The following PDE7B variants were observed in gnomAD, a reference collection of about 807,000 sequenced individuals.
PDE7B encodes the protein 3',5'-cyclic-AMP phosphodiesterase 7B.
A neutral mutation model predicts 56.2 loss-of-function variants in PDE7B; 29 were observed. The observed-to-expected ratio is 0.52, with a 90% CI of 0.38 to 0.70. PDE7B has a LOEUF of 0.70. PDE7B is among the 30% of genes least tolerant of loss of function. The pLI is 0.00. For synonymous variants in PDE7B, 197 were observed against 196.9 expected (o/e 1.00, Z 0.00); for missense variants, 490 against 565.0 (o/e 0.87, Z 1.35).
At chr6:136,110,746 T>C (rs1284841732) in intron 3 of PDE7B, among the ~76,000 whole-genome samples, 1 of 151,832 alleles carries the variant, frequency 6.6e-6, no homozygotes, top group Non-Finnish European at 1.5e-5. Context: ...AATTTGCCTC[T>C]TTTACTTTTG....
intron 1 of PDE7B, among the ~76,000 whole-genome samples, chr6:135,868,690 C>A (rs895818789): frequency 2.0e-5 from 3 of 152,188 alleles, no homozygotes; most frequent in African/African-American, 7.2e-5. Flanking sequence ...CCTGGGCCTC[C>A]CAAAAGTACT....
chr6:136,148,266 G>C (rs1778449477), intron 4 of PDE7B, among the ~76,000 whole-genome samples: 1 of 151,824 alleles, frequency 6.6e-6, no homozygotes, highest in South Asian at 2.1e-4. Flanking sequence ...TGAGGCAGCA[G>C]GATTGCTTAA....
intron 1 of PDE7B, among the ~76,000 whole-genome samples, chr6:135,936,704 G>A (rs150702878): frequency 3.9e-4 from 60 of 152,310 alleles, no homozygotes; most frequent in African/African-American, 1.4e-3. Flanking sequence ...AGAGGGAGAT[G>A]TCCCTAAAAG....
In PDE7B at chr6:136,143,457, T is replaced by A. The variant is rs371157606; in HGVS notation, c.167-3894T>A. Among the ~76,000 whole-genome samples the A allele has an allele frequency of 7.9e-5, 12 of 152,072 alleles. 2 individuals are homozygous for A. The East Asian group carries it at 1.5e-3, about 20-fold the overall frequency. On this transcript the variant is annotated intron_variant, in intron 3 of 12. Transcript: ENST00000308191. ...AGGGGAATACCAAATAACTTGGTGATCACAGTGTATCATATCTTAATGTAA... is the reference window on the plus strand; with the variant it reads ...AGGGGAATACCAAATAACTTGGTGAACACAGTGTATCATATCTTAATGTAA...
intron 3 of PDE7B, among the ~76,000 whole-genome samples, chr6:136,135,127 A>G (rs1778190527): frequency 6.6e-6 from 1 of 152,096 alleles, no homozygotes; most frequent in African/African-American, 2.4e-5. Flanking sequence ...TTTTTTGTAC[A>G]CAGAAGAGCT....
At chr6:135,912,649 G>A (rs1379063746) in intron 1 of PDE7B, among the ~76,000 whole-genome samples, 1 of 152,034 alleles carries the variant, frequency 6.6e-6, no homozygotes, top group Non-Finnish European at 1.5e-5. Flanking sequence ...GGACATTCCA[G>A]AAAAGGAAAA....
chr6:135,957,636 C>A (rs979919238), intron 2 of PDE7B, among the ~76,000 whole-genome samples: 4 of 152,068 alleles, frequency 2.6e-5, no homozygotes, highest in African/African-American at 9.7e-5. Flanking sequence ...CTGCACATTC[C>A]GGGTAATAGG....
chr6:136,073,850 C>T (rs1385273374), intron 2 of PDE7B, among the ~76,000 whole-genome samples: 1 of 152,064 alleles, frequency 6.6e-6, no homozygotes, highest in Admixed American at 6.5e-5. Context: ...AGAATTTCAG[C>T]GTGATTTCTA....
At chr6:136,143,278 T>C (rs1430090871) in intron 3 of PDE7B, among the ~76,000 whole-genome samples, 2 of 151,956 alleles carry the variant, frequency 1.3e-5, no homozygotes, top group African/African-American at 2.4e-5. Flanking sequence ...CCAGTATTTA[T>C]GGTAGGCCTA....
chr6:135,976,445 G>C (rs1775189319), intron 2 of PDE7B, among the ~76,000 whole-genome samples: 1 of 152,126 alleles, frequency 6.6e-6, no homozygotes, highest in Non-Finnish European at 1.5e-5. Context: ...CCTGGGGAAG[G>C]GCTGCAGTGA....
intron 1 of PDE7B, among the ~76,000 whole-genome samples, chr6:135,939,424 A>T (rs1774472416): frequency 6.6e-6 from 1 of 152,224 alleles, no homozygotes; most frequent in African/African-American, 2.4e-5. Flanking sequence ...AAAACTTATT[A>T]GTCTCTGACG....
chr6:135,963,761 T>C (rs1215556865), intron 2 of PDE7B, among the ~76,000 whole-genome samples: 1 of 152,194 alleles, frequency 6.6e-6, no homozygotes, highest in African/African-American at 2.4e-5. Flanking sequence ...CTTAGAACAC[T>C]TCCCTCCTCG....
intron 2 of PDE7B, among the ~76,000 whole-genome samples, chr6:136,065,942 T>C (rs1174881671): frequency 6.6e-6 from 1 of 152,180 alleles, no homozygotes; most frequent in African/African-American, 2.4e-5. Flanking sequence ...ATCTTCAGAG[T>C]TCTAACTGGT....
intron 2 of PDE7B, among the ~76,000 whole-genome samples, chr6:136,061,713 G>A (rs915864097): frequency 6.6e-6 from 1 of 152,140 alleles, no homozygotes; most frequent in African/African-American, 2.4e-5. Context: ...ATCAATGCTG[G>A]GCATAGTACC....
rs1019665156 is a variant in PDE7B at position 136,016,132 on chromosome 6, C to T, written c.82+68608C>T. On this transcript the variant is annotated intron_variant, in intron 2 of 12. Coordinates refer to ENST00000308191, the MANE Select transcript of PDE7B (RefSeq NM_018945.4). ...TGCTAAATTTGTTCTATTCATCTCA[C>T]GGCTCCCTCTAATACGTAGGAAAGT... Among the ~76,000 whole-genome samples, 7 of 152,152 alleles carry T rather than the reference C, an allele frequency of 4.6e-5. No homozygotes were observed. The East Asian group carries it at 7.7e-4, about 17-fold the overall frequency.
intron 3 of PDE7B, among the ~76,000 whole-genome samples, chr6:136,134,048 T>A (rs1778166949): frequency 6.6e-6 from 1 of 152,054 alleles, no homozygotes; most frequent in Non-Finnish European, 1.5e-5. Context: ...GGAGACATTG[T>A]GGGGGCCATT....
chr6:135,902,520 T>C (rs1378605027), intron 1 of PDE7B, among the ~76,000 whole-genome samples: 1 of 152,178 alleles, frequency 6.6e-6, no homozygotes, highest in Admixed American at 6.6e-5. Flanking sequence ...TTTGAGATTT[T>C]GAGCACTCTC....
At chr6:136,014,117 T>TC (rs1775935971) in intron 2 of PDE7B, among the ~76,000 whole-genome samples, 1 of 152,182 alleles carries the variant, frequency 6.6e-6, no homozygotes, top group Non-Finnish European at 1.5e-5. Flanking sequence ...CTGAGTAATT[T>TC]CCCCCTTTCA....
intron 1 of PDE7B, among the ~76,000 whole-genome samples, chr6:135,943,178 C>G (rs890604541): frequency 1.3e-5 from 2 of 152,134 alleles, no homozygotes; most frequent in African/African-American, 4.8e-5. Context: ...GTTTTACAAT[C>G]TTATCGACAA....
Sources: gnomAD v4.1 joint callset for allele counts (sites outside exome capture counted in the v4.1 genomes callset) on GRCh38, gnomAD v4.1.1 for gene constraint, MANE v1.5 for transcripts, NCBI Gene and HGNC (gene_info 2026-07-23, HGNC 2026-07-21) for gene names.